The following PHF8 variants were observed in gnomAD, a reference collection of about 807,000 sequenced individuals.
The protein encoded by PHF8 is PHD finger protein 8.
A neutral mutation model predicts 74.4 loss-of-function variants in PHF8; 9 were observed. That is an observed-to-expected ratio of 0.12 (90% CI 0.07 to 0.21). The LOEUF (loss-of-function observed/expected upper bound fraction) is 0.21, where lower values mean the gene tolerates loss of function less well. Among genes scored for constraint, PHF8 ranks in the 10% least tolerant of loss-of-function variants. The pLI, the probability that PHF8 is intolerant of heterozygous loss-of-function variation, is 1.00. For missense variants in PHF8, 478 were observed against 816.6 expected (o/e 0.59, Z 5.05); for synonymous variants, 311 against 316.6 (o/e 0.98, Z 0.19).
chrX:54,033,669 G>A (rs376912053), intron 2 of PHF8, among the ~76,000 whole-genome samples: 15 of 110,278 alleles, frequency 1.4e-4, no homozygotes, highest in South Asian at 3.9e-4. Flanking sequence ...AGCCGAGATC[G>A]CACCATTGCA....
chrX:53,938,118 G>C lies in PHF8; in HGVS notation c.*1040C>G. 2.6e-6 allele frequency: 3 copies of C among 1,148,906 alleles called. No individual in the cohort carries two copies. The highest frequency in any genetic ancestry group is 3.6e-5 in the African/African-American group (2 of 55,630). 94.7% of individuals were successfully genotyped at this position (1,148,906 alleles called of 1,213,427 possible). ...AGTCCTGAGGTCTTCTTCAGACCAA[G>C]ACCTCAGGTGGAGAAAGAAGCATGA... On this transcript the variant is annotated 3_prime_UTR_variant, in exon 22 of 22. Transcript: ENST00000338154.
chrX:53,989,070 C>T (rs2149833605), intron 14 of PHF8, among the ~76,000 whole-genome samples: 1 of 109,192 alleles, frequency 9.2e-6, no homozygotes, highest in African/African-American at 3.3e-5. Context: ...TCAAGCAATT[C>T]TCCTGTCTCA....
intron 20 of PHF8, chrX:53,942,514 C>T (rs1046212326): frequency 2.4e-5 from 3 of 123,263 alleles, no homozygotes; most frequent in South Asian, 3.4e-4. Flanking sequence ...TTCTTTCTTT[C>T]GTTCATTCAT....
At chrX:53,992,906 C>A in intron 13 of PHF8, 67 bp from the exon 14 acceptor site, 1 of 736,821 alleles carries the variant, frequency 1.4e-6, no homozygotes, top group East Asian at 3.3e-5. Flanking sequence ...TGGCAAGTTC[C>A]CTCTGGTTTC....
intron 18 of PHF8, among the ~76,000 whole-genome samples, chrX:53,972,047 G>A (rs931569513): frequency 4.5e-5 from 5 of 110,892 alleles, no homozygotes; most frequent in Admixed American, 9.7e-5. Flanking sequence ...AACTTCGGCC[G>A]GCTGCGGTGG....
chrX:53,960,460 A>G (rs1337214923), intron 19 of PHF8, among the ~76,000 whole-genome samples: 1 of 109,764 alleles, frequency 9.1e-6, no homozygotes, highest in Non-Finnish European at 1.9e-5. Flanking sequence ...GCATAATTGT[A>G]TACATGTGGC....
chrX:53,961,816 A>C (rs1557090936), intron 19 of PHF8, among the ~76,000 whole-genome samples: 1 of 111,026 alleles, frequency 9.0e-6, no homozygotes, highest in Non-Finnish European at 1.9e-5. Context: ...TCTATGGCAG[A>C]CTGTTGCAGT....
chrX:53,986,067 A>T (rs1198873741), intron 16 of PHF8, 118 bp from the exon 17 acceptor site: 5 of 652,941 alleles, frequency 7.7e-6, no homozygotes, highest in Non-Finnish European at 1.3e-5. Context: ...GTATAGACCA[A>T]GTACTAAGCA....
At chrX:53,984,297 C>T (rs782415570) in intron 18 of PHF8, among the ~76,000 whole-genome samples, 3 of 111,563 alleles carry the variant, frequency 2.7e-5, no homozygotes, top group Non-Finnish European at 5.7e-5. Flanking sequence ...ACCCAGGAGG[C>T]GGAGGTGGCA....
At chrX:53,947,605 T>C (rs782543143) in intron 19 of PHF8, among the ~76,000 whole-genome samples, 1 of 112,381 alleles carries the variant, frequency 8.9e-6, no homozygotes, top group Non-Finnish European at 1.9e-5. Flanking sequence ...TTTTAAAACA[T>C]GACCCCAAAT....
intron 14 of PHF8, among the ~76,000 whole-genome samples, chrX:53,992,257 T>G (rs2065678191): frequency 8.9e-6 from 1 of 112,342 alleles, no homozygotes; most frequent in African/African-American, 3.2e-5. Flanking sequence ...GTACCATCAT[T>G]TATTTATCTA....
chrX:53,975,658 T>C (rs1557095825), intron 18 of PHF8, among the ~76,000 whole-genome samples: 1 of 111,956 alleles, frequency 8.9e-6, no homozygotes. Flanking sequence ...CACTCATATG[T>C]GAGAGCTAAA....
chrX:54,044,923 C>T (rs1557117113), upstream of PHF8: 3 of 1,127,007 alleles, frequency 2.7e-6, no homozygotes, highest in Admixed American at 2.6e-5. Context: ...CTCTTTCCCA[C>T]GGTCTCTGCG....
At chrX:54,019,913 G>A (rs1427824715) in intron 4 of PHF8, among the ~76,000 whole-genome samples, 2 of 107,071 alleles carry the variant, frequency 1.9e-5, no homozygotes, top group South Asian at 4.0e-4. Flanking sequence ...GGCTGGGCAC[G>A]GTGGCTCACA....
At position 53,938,304 on chromosome X, in the gene PHF8, T is replaced by A. The variant is rs2064697810; in HGVS notation, c.*854A>T. ...GGTTTCTGGGAGATGGTTTTCCACC[T>A]GCCAGGGCCCAGCCACAGCCACAGC... On this transcript the variant is annotated 3_prime_UTR_variant, in exon 22 of 22. Coordinates refer to ENST00000338154, the MANE Select transcript of PHF8 (RefSeq NM_015107.3). 1 of 1,021,837 alleles carries A rather than the reference T, an allele frequency of 9.8e-7. No individual in the cohort carries two copies. The highest frequency in any genetic ancestry group is 1.9e-5 in the African/African-American group (1 of 52,078). The allele number at this position is 1,021,837 out of a possible 1,213,427, so 84.2% of individuals were successfully genotyped here. A position where few individuals can be genotyped will look rare whatever the true frequency, so the allele number is the denominator to read the frequency against.
intron 4 of PHF8, among the ~76,000 whole-genome samples, chrX:54,020,141 A>G (rs1175471983): frequency 1.8e-5 from 2 of 111,959 alleles, no homozygotes; most frequent in Non-Finnish European, 1.9e-5. Flanking sequence ...AGCCGAGATC[A>G]CGCCATTGCA....
chrX:53,956,821 C>T (rs1457434925), intron 19 of PHF8, among the ~76,000 whole-genome samples: 1 of 110,674 alleles, frequency 9.0e-6, no homozygotes, highest in Non-Finnish European at 1.9e-5. Flanking sequence ...ATGGAAGAAA[C>T]TCTGATGCTA....
At chrX:53,956,117 G>A (rs782227896) in intron 19 of PHF8, among the ~76,000 whole-genome samples, 1 of 110,744 alleles carries the variant, frequency 9.0e-6, no homozygotes, top group Non-Finnish European at 1.9e-5. Context: ...CATGGTGGTG[G>A]CGGGTGCTTT....
At chrX:53,947,338 G>GA (rs2149777405) in intron 19 of PHF8, among the ~76,000 whole-genome samples, 1 of 112,351 alleles carries the variant, frequency 8.9e-6, no homozygotes, top group East Asian at 2.8e-4. Flanking sequence ...TAATGTCACA[G>GA]AAAAAAGATG....
Sources: gnomAD v4.1 joint callset for allele counts (sites outside exome capture counted in the v4.1 genomes callset) on GRCh38, gnomAD v4.1.1 for gene constraint, MANE v1.5 for transcripts, NCBI Gene and HGNC (gene_info 2026-07-23, HGNC 2026-07-21) for gene names.